IQCM: variants seen among roughly 807,000 people sequenced by gnomAD.
IQCM encodes IQ motif containing M.
Under a neutral mutation model 57.6 loss-of-function variants are expected in IQCM, and 45 were observed. The observed-to-expected ratio is 0.78, with a 90% CI of 0.62 to 1.00. The LOEUF (loss-of-function observed/expected upper bound fraction) is 1.00, where lower values mean the gene tolerates loss of function less well. IQCM is among the 50% of genes least tolerant of loss of function. The pLI is 0.00. For missense variants in IQCM, 468 were observed against 511.6 expected (o/e 0.91, Z 0.82); for synonymous variants, 148 against 158.9 (o/e 0.93, Z 0.51).
At chr4:149,603,608 A>G (rs1445678263) in intron 8 of IQCM, among the ~76,000 whole-genome samples, 1 of 152,094 alleles carries the variant, frequency 6.6e-6, no homozygotes, top group Non-Finnish European at 1.5e-5. Flanking sequence ...TGGTAGAAAA[A>G]GTGGTCTTCT....
chr4:149,768,628 A>T (rs1251974954), intron 2 of IQCM, among the ~76,000 whole-genome samples: 27 of 152,080 alleles, frequency 1.8e-4, no homozygotes, highest in Admixed American at 1.8e-3. Context: ...TGCAGAATTC[A>T]GCCTGTGACA....
chr4:149,450,559 A>G (rs1431067597), intron 12 of IQCM, among the ~76,000 whole-genome samples: 1 of 151,866 alleles, frequency 6.6e-6, no homozygotes, highest in Non-Finnish European at 1.5e-5. Flanking sequence ...AGATTTGAAT[A>G]GATATTTCTC....
intron 12 of IQCM, among the ~76,000 whole-genome samples, chr4:149,492,327 A>C (rs968073642): frequency 6.6e-6 from 1 of 152,106 alleles, no homozygotes; most frequent in African/African-American, 2.4e-5. Flanking sequence ...AGGGAAAAAA[A>C]GATTATGACC....
intron 7 of IQCM, among the ~76,000 whole-genome samples, chr4:149,631,727 T>C (rs1244964823): frequency 6.6e-6 from 1 of 152,122 alleles, no homozygotes; most frequent in Non-Finnish European, 1.5e-5. Flanking sequence ...GATTGTGGAG[T>C]TCATGAAACC....
chr4:149,761,467 A>T (rs1769505563), intron 2 of IQCM, among the ~76,000 whole-genome samples: 1 of 152,024 alleles, frequency 6.6e-6, no homozygotes, highest in Non-Finnish European at 1.5e-5. Flanking sequence ...TCTTTAGAGG[A>T]ACATACTGAA....
chr4:149,769,371 A>G (rs1363515835), intron 2 of IQCM, among the ~76,000 whole-genome samples: 3 of 152,008 alleles, frequency 2.0e-5, no homozygotes, highest in Non-Finnish European at 4.4e-5. Flanking sequence ...ACAACCCTTT[A>G]TATCCAAAAT....
intron 5 of IQCM, among the ~76,000 whole-genome samples, chr4:149,723,757 GTTA>G (rs2149861842): frequency 6.6e-6 from 1 of 151,958 alleles, no homozygotes; most frequent in South Asian, 2.1e-4. Flanking sequence ...TGTTGTTGTT[GTTA>G]TTTCCTTTCC....
Position 149,733,242 on chromosome 4 carries a change from A to G in IQCM, c.385+2T>C. ...AATTTCTTCACTCCACCAAAAACTT[A>G]CCTTTTGTAATTAGATCTATGGGCC... On this transcript the variant is annotated splice_donor_variant, in intron 5 of 13. Coordinates refer to ENST00000636793, the MANE Select transcript of IQCM (RefSeq NM_001363507.2). LOFTEE classifies it high-confidence loss of function. 2 of 1,231,658 alleles carry G rather than the reference A, an allele frequency of 1.6e-6. No individual in the cohort carries two copies. Among genetic ancestry groups the G allele is most frequent in the Non-Finnish European group, 2.0e-6 (2 of 987,606 alleles). The allele number at this position is 1,231,658 out of a possible 1,614,324, so 76.3% of individuals were successfully genotyped here. A position where few individuals can be genotyped will look rare whatever the true frequency, so the allele number is the denominator to read the frequency against.
At chr4:149,639,439 A>AAAG (rs934540067) in intron 7 of IQCM, among the ~76,000 whole-genome samples, 60 of 151,502 alleles carry the variant, frequency 4.0e-4, no homozygotes, top group Admixed American at 1.8e-3. Flanking sequence ...AAAAAAAAAA[A>AAAG]AAGAAGAAGA....
chr4:149,549,442 C>T (rs11722074), intron 11 of IQCM, among the ~76,000 whole-genome samples: 71,824 of 150,976 alleles, frequency 0.48, 17,629 homozygotes, highest in Non-Finnish European at 0.54. Flanking sequence ...GGCGTGAACC[C>T]GGGAGGCGGA....
intron 5 of IQCM, among the ~76,000 whole-genome samples, chr4:149,706,007 A>G (rs1411526360): frequency 6.6e-6 from 1 of 151,964 alleles, no homozygotes; most frequent in Non-Finnish European, 1.5e-5. Context: ...TCCAGAAGTC[A>G]TGTACAAAAT....
At chr4:149,679,147 A>G (rs1332590308) in intron 7 of IQCM, among the ~76,000 whole-genome samples, 1 of 151,734 alleles carries the variant, frequency 6.6e-6, no homozygotes, top group Admixed American at 6.6e-5. Flanking sequence ...CCATCAACAG[A>G]TGAGTAAAGA....
At chr4:149,557,789 C>T (rs968984626) in intron 10 of IQCM, among the ~76,000 whole-genome samples, 1 of 152,212 alleles carries the variant, frequency 6.6e-6, no homozygotes, top group African/African-American at 2.4e-5. Context: ...CCCCTCCAAT[C>T]TCCTTAAAGT....
At chr4:149,634,720 T>C (rs1283681484) in intron 7 of IQCM, among the ~76,000 whole-genome samples, 2 of 152,226 alleles carry the variant, frequency 1.3e-5, no homozygotes, top group Admixed American at 1.3e-4. Context: ...CTCTATCAAA[T>C]ATAATGAAAC....
chr4:149,813,332 T>C (rs767134203), intron 2 of IQCM, among the ~76,000 whole-genome samples: 1 of 151,844 alleles, frequency 6.6e-6, no homozygotes, highest in Admixed American at 6.6e-5. Flanking sequence ...CAAATGTATC[T>C]AATGCATCTT....
intron 5 of IQCM, among the ~76,000 whole-genome samples, chr4:149,722,347 AT>A (rs58005525): frequency 0.013 from 1,979 of 151,928 alleles, 43 homozygotes; most frequent in African/African-American, 0.044. Context: ...TCTTTTGAGA[AT>A]TTACTCATAA....
chr4:149,790,098 T>TA lies in IQCM; in HGVS notation c.-49+25212dup, dbSNP rs35053502. On this transcript the variant is annotated intron_variant, in intron 2 of 13. Transcript: ENST00000636793. Reference sequence around the variant, plus strand: ...ACTTCATCTGCAGCATCCTCACCATTAAAAAAAGAACAGCCCTTATTTACT... The same window carrying TA: ...ACTTCATCTGCAGCATCCTCACCATTAAAAAAAAGAACAGCCCTTATTTACT... The TA allele has an allele frequency of 1.7e-3, 1,163 of 671,384 alleles. 16 individuals carry two copies. The African/African-American group carries it at 0.02, about 11-fold the overall frequency. 41.6% of individuals were successfully genotyped at this position (671,384 alleles called of 1,614,324 possible). A position where few individuals can be genotyped will look rare whatever the true frequency, so the allele number is the denominator to read the frequency against.
chr4:149,697,942 A>G (rs946071756), intron 5 of IQCM, among the ~76,000 whole-genome samples: 2 of 152,116 alleles, frequency 1.3e-5, no homozygotes, highest in African/African-American at 4.8e-5. Context: ...TAACTCACAT[A>G]TAGCATTATA....
intron 13 of IQCM, among the ~76,000 whole-genome samples, chr4:149,414,606 T>G (rs975902934): frequency 6.6e-6 from 1 of 152,108 alleles, no homozygotes; most frequent in Non-Finnish European, 1.5e-5. Context: ...ATTTTATCTT[T>G]TCCTCTCCCT....
Sources: gnomAD v4.1 joint callset for allele counts (sites outside exome capture counted in the v4.1 genomes callset) on GRCh38, gnomAD v4.1.1 for gene constraint, MANE v1.5 for transcripts, NCBI Gene and HGNC (gene_info 2026-07-23, HGNC 2026-07-21) for gene names.